The following SLC9A7 variants were observed in gnomAD, a reference collection of about 807,000 sequenced individuals.
The protein encoded by SLC9A7 is sodium/hydrogen exchanger 7.
SLC9A7 carries 19 observed loss-of-function variants against 52.6 expected under a neutral mutation model. The observed-to-expected ratio is 0.36, with a 90% CI of 0.25 to 0.53. The LOEUF is 0.53. Ranked by LOEUF, SLC9A7 falls within the 20% of genes least tolerant of loss-of-function variation. The pLI is 0.91. For synonymous variants in SLC9A7, 226 were observed against 252.1 expected, an observed-to-expected ratio of 0.90 and a Z score of 0.98; for missense variants, 455 against 597.9, an observed-to-expected ratio of 0.76 and a Z score of 2.49.
intron 1 of SLC9A7, among the ~76,000 whole-genome samples, chrX:46,709,407 C>G (rs985241488): frequency 9.1e-6 from 1 of 109,801 alleles, no homozygotes; most frequent in Non-Finnish European, 1.9e-5. Context: ...ACTCTGTTCT[C>G]AAAAATAAAA....
At chrX:46,720,536 T>G (rs1464025438) in intron 1 of SLC9A7, among the ~76,000 whole-genome samples, 1 of 110,053 alleles carries the variant, frequency 9.1e-6, no homozygotes, top group East Asian at 2.8e-4. Context: ...AGTCACGCCA[T>G]GACCCTGCTT....
At chrX:46,657,233 A>G (rs1191888301) in intron 7 of SLC9A7, among the ~76,000 whole-genome samples, 2 of 111,230 alleles carry the variant, frequency 1.8e-5, no homozygotes, top group Admixed American at 9.6e-5. Context: ...CACTAAACAT[A>G]GAAAGGAACA....
rs1294386051 is a variant in SLC9A7, at chrX:46,603,731, C to T, written c.*3221G>A. The T allele has an allele frequency of 2.7e-5, 3 of 111,295 alleles. No homozygotes were observed. Among genetic ancestry groups the T allele is most frequent in the East Asian group, 5.6e-4 (2 of 3,563 alleles). 9.2% of individuals were successfully genotyped at this position (111,295 alleles called of 1,213,427 possible). A position where few individuals can be genotyped will look rare whatever the true frequency, so the allele number is the denominator to read the frequency against. ...GCATGTGCCTGTAATCCCAGCTACT[C>T]GGGAGGCTGAGGTAGGAGAATCGCT... On this transcript the variant is annotated 3_prime_UTR_variant, in exon 17 of 17. Coordinates refer to ENST00000616978, the MANE Select transcript of SLC9A7 (RefSeq NM_001257291.2).
At chrX:46,733,745 A>G (rs1945079645) in intron 1 of SLC9A7, among the ~76,000 whole-genome samples, 1 of 111,584 alleles carries the variant, frequency 9.0e-6, no homozygotes, top group South Asian at 3.7e-4. Flanking sequence ...TAACTCAAAA[A>G]TATAGTGGAA....
intron 1 of SLC9A7, among the ~76,000 whole-genome samples, chrX:46,738,099 GAAAGAAAGA>G (rs751139068): frequency 4.2e-5 from 2 of 48,082 alleles, no homozygotes; most frequent in African/African-American, 9.6e-5. Flanking sequence ...AAGAAAGAAA[GAAAGAAAGA>G]GAAAAGAAAA....
chrX:46,741,805 A>G (rs1921369464), intron 1 of SLC9A7, among the ~76,000 whole-genome samples: 1 of 110,475 alleles, frequency 9.1e-6, no homozygotes. Flanking sequence ...TCGAAATTTA[A>G]AAGTTTTGCT....
At chrX:46,736,592 G>A (rs988029647) in intron 1 of SLC9A7, among the ~76,000 whole-genome samples, 1 of 111,310 alleles carries the variant, frequency 9.0e-6, no homozygotes, top group Admixed American at 9.6e-5. Flanking sequence ...TTAGCATTGA[G>A]GTTTGTATTA....
intron 16 of SLC9A7, among the ~76,000 whole-genome samples, chrX:46,609,156 G>C (rs1484319216): frequency 8.9e-6 from 1 of 111,978 alleles, no homozygotes; most frequent in African/African-American, 3.3e-5. Flanking sequence ...GCCATGGAAG[G>C]ACAGAGGCAA....
In SLC9A7 at chrX:46,673,355, A is replaced by ACAC. The variant is rs1569515267; in HGVS notation, c.604-729_604-728insGTG. ...ATTCATTGGTTACCTTAAAAATATA[A>ACAC]ACACACACACACACACACACACACA... is the stretch of plus-strand genomic sequence containing the variant. On this transcript the variant is annotated intron_variant, in intron 3 of 16. Coordinates refer to ENST00000616978, the MANE Select transcript of SLC9A7 (RefSeq NM_001257291.2). Among the ~76,000 whole-genome samples the ACAC allele has an allele frequency of 2.9e-3, 295 of 102,633 alleles. 2 individuals are homozygous for ACAC. The highest frequency in any genetic ancestry group is 0.01 in the African/African-American group (285 of 28,222). The allele number at this position is 102,633 out of a possible 115,157, so 89.1% of individuals were successfully genotyped here. A position where few individuals can be genotyped will look rare whatever the true frequency, so the allele number is the denominator to read the frequency against.
At chrX:46,698,864 G>A (rs756753857) in intron 1 of SLC9A7, among the ~76,000 whole-genome samples, 1 of 111,695 alleles carries the variant, frequency 9.0e-6, no homozygotes, top group Admixed American at 9.5e-5. Context: ...GTGGGGGAGA[G>A]GTAGCTACTG....
At position 46,639,717 on chromosome X, in the gene SLC9A7, G is replaced by GA. The variant is rs1166239255; in HGVS notation, c.1616+3518dup. Reference sequence around the variant, plus strand: ...AAAGGTACACTGGTTGAAAAGGAAGGAAAAAAAAAAAACTGTGGCTATTTA... The same window carrying GA: ...AAAGGTACACTGGTTGAAAAGGAAGGAAAAAAAAAAAAACTGTGGCTATTTA... On this transcript the variant is annotated intron_variant, in intron 12 of 16. Coordinates refer to ENST00000616978, the MANE Select transcript of SLC9A7 (RefSeq NM_001257291.2). Among the ~76,000 whole-genome samples, 519 of 86,860 alleles carry GA rather than the reference G, an allele frequency of 6.0e-3. 4 individuals are homozygous for GA. Among genetic ancestry groups the GA allele is most frequent in the African/African-American group, 0.018 (441 of 23,987 alleles). 75.4% of individuals were successfully genotyped at this position (86,860 alleles called of 115,157 possible). A position where few individuals can be genotyped will look rare whatever the true frequency, so the allele number is the denominator to read the frequency against.
At chrX:46,668,057 C>T (rs1339697226) in intron 5 of SLC9A7, among the ~76,000 whole-genome samples, 1 of 112,054 alleles carries the variant, frequency 8.9e-6, no homozygotes. Flanking sequence ...AATTAAATTA[C>T]ATTCACTACA....
chrX:46,607,450 A>C (rs1942768374), intron 16 of SLC9A7, among the ~76,000 whole-genome samples: 1 of 111,511 alleles, frequency 9.0e-6, no homozygotes, highest in Non-Finnish European at 1.9e-5. Flanking sequence ...GGGTTAGTGA[A>C]AAAGGGAAGA....
chrX:46,736,748 T>A (rs989111943), intron 1 of SLC9A7, among the ~76,000 whole-genome samples: 3 of 111,312 alleles, frequency 2.7e-5, no homozygotes, highest in African/African-American at 9.8e-5. Context: ...TGTCTTCCCC[T>A]CGCTTGGCTT....
intron 7 of SLC9A7, among the ~76,000 whole-genome samples, chrX:46,655,913 C>G (rs952775015): frequency 5.3e-5 from 6 of 112,434 alleles, no homozygotes; most frequent in South Asian, 3.6e-4. Context: ...TCCACCTCTG[C>G]GGGCAGGGCA....
At chrX:46,665,187 G>GAAATC (rs1943896885) in intron 5 of SLC9A7, among the ~76,000 whole-genome samples, 1 of 110,849 alleles carries the variant, frequency 9.0e-6, no homozygotes, top group Non-Finnish European at 1.9e-5. Flanking sequence ...AAATCAGGGT[G>GAAATC]AGCAGGGTCA....
At chrX:46,732,289 T>C (rs910358082) in intron 1 of SLC9A7, among the ~76,000 whole-genome samples, 2 of 110,421 alleles carry the variant, frequency 1.8e-5, no homozygotes, top group African/African-American at 6.6e-5. Context: ...TGGTGGCTCA[T>C]GCCTGTAATC....
chrX:46,640,089 A>G (rs6611282), intron 12 of SLC9A7, among the ~76,000 whole-genome samples: 32,493 of 111,024 alleles, frequency 0.29, 4,357 homozygotes, highest in East Asian at 0.51. Flanking sequence ...ATGTAGACAA[A>G]TTTATTCCAA....
At chrX:46,608,247 G>A (rs57366110) in intron 16 of SLC9A7, among the ~76,000 whole-genome samples, 36,949 of 111,537 alleles carry the variant, frequency 0.33, 5,817 homozygotes, top group African/African-American at 0.6. Flanking sequence ...CTCACAGTAG[G>A]TGCTAAGTGA....
Sources: gnomAD v4.1 joint callset for allele counts (sites outside exome capture counted in the v4.1 genomes callset) on GRCh38, gnomAD v4.1.1 for gene constraint, MANE v1.5 for transcripts, NCBI Gene and HGNC (gene_info 2026-07-23, HGNC 2026-07-21) for gene names.